The following HIVEP2 variants were observed in gnomAD, a reference collection of about 807,000 sequenced individuals.
The protein encoded by HIVEP2 is HIVEP zinc finger 2, also known as transcription factor HIVEP2.
Under a neutral mutation model 180.7 loss-of-function variants are expected in HIVEP2, and 14 were observed. That is an observed-to-expected ratio of 0.08 (90% confidence interval 0.05 to 0.12). The LOEUF is 0.12. HIVEP2 is among the 10% of genes least tolerant of loss of function. The pLI, the probability that HIVEP2 is intolerant of heterozygous loss-of-function variation, is 1.00. For synonymous variants in HIVEP2, 1,184 were observed against 1,136.4 expected (o/e 1.04, Z -0.84); for missense variants, 2,579 against 3,008.5 (o/e 0.86, Z 3.34).
intron 2 of HIVEP2, among the ~76,000 whole-genome samples, chr6:142,822,045 A>T (rs1277473176): frequency 6.6e-6 from 1 of 152,244 alleles, no homozygotes; most frequent in Non-Finnish European, 1.5e-5. Context: ...CCTTGGCACT[A>T]AGACCAGGGT....
At chr6:142,879,640 G>C (rs905163775) in intron 1 of HIVEP2, among the ~76,000 whole-genome samples, 2 of 151,752 alleles carry the variant, frequency 1.3e-5, no homozygotes, top group African/African-American at 4.8e-5. Flanking sequence ...CTCTCATGTT[G>C]ACTTTGGGTC....
rs1231013175 is a variant in HIVEP2, at chr6:142,862,749, A to AG, written c.-640-25703_-640-25702insC. The stretch of plus-strand genomic sequence containing the variant: ...TATATTATGTAATTATATATTATAC[A>AG]TTACATATATTATGTAATATATTAT... On this transcript the variant is annotated intron_variant, in intron 1 of 9. Transcript: ENST00000367603. 3.6e-5 allele frequency among the ~76,000 whole-genome samples: 5 copies of AG among 137,216 alleles called. No homozygotes were observed. The East Asian group carries it at 8.5e-4, about 23-fold the overall frequency. 90.0% of individuals were successfully genotyped at this position (137,216 alleles called of 152,430 possible).
intron 1 of HIVEP2, among the ~76,000 whole-genome samples, chr6:142,913,920 A>ACGTTTG (rs1309816284): frequency 1.1e-4 from 17 of 152,192 alleles, no homozygotes; most frequent in Admixed American, 2.6e-4. Context: ...AGCAAGTTGC[A>ACGTTTG]CGTTTGCACG....
intron 1 of HIVEP2, among the ~76,000 whole-genome samples, chr6:142,889,622 A>C (rs2128420436): frequency 6.6e-6 from 1 of 152,308 alleles, no homozygotes; most frequent in African/African-American, 2.4e-5. Context: ...TCTGAACCTT[A>C]GGTTCCCAAG....
chr6:142,929,543 G>A (rs1777893740), intron 1 of HIVEP2, among the ~76,000 whole-genome samples: 1 of 152,118 alleles, frequency 6.6e-6, no homozygotes, highest in South Asian at 2.1e-4. Context: ...AGAAATAACT[G>A]TGAGGATAAA....
rs1052009264 is a variant in HIVEP2, at chr6:142,827,113, A to T, written c.-528+9822T>A. ...AATTTCTCTCTTGTTATTCCTGTTA[A>T]ATTATAGGATGGTTTGATACAATTT... On this transcript the variant is annotated intron_variant, in intron 2 of 9. Coordinates refer to ENST00000367603, the MANE Select transcript of HIVEP2 (RefSeq NM_006734.4). Among the ~76,000 whole-genome samples, 4 of 152,304 alleles carry T rather than the reference A, an allele frequency of 2.6e-5. No homozygotes were observed. The East Asian group carries it at 7.7e-4, about 29-fold the overall frequency.
chr6:142,757,415 CT>C (rs1775104387), intron 9 of HIVEP2, among the ~76,000 whole-genome samples: 1 of 152,166 alleles, frequency 6.6e-6, no homozygotes, highest in African/African-American at 2.4e-5. Flanking sequence ...AATCCCAGCA[CT>C]TTGGGAGGCC....
intron 1 of HIVEP2, among the ~76,000 whole-genome samples, chr6:142,910,177 T>C (rs984208047): frequency 3.9e-5 from 6 of 152,234 alleles, no homozygotes; most frequent in African/African-American, 9.6e-5. Context: ...ATAAAATCAT[T>C]TCATGCATTA....
rs772259068 is a variant in HIVEP2 at position 142,771,845 on chromosome 6, C to T, written c.2894G>A (p.Arg965His). The change falls in exon 5 of 10, where the codon CGC (arginine) becomes CAC (histidine). Residue 965 changes from arginine (R) to histidine (H), a missense_variant. This residue lies in a region of HIVEP2 where 523 missense variants were observed against 577.0 expected (regional missense o/e 0.91). Coordinates refer to ENST00000367603, the MANE Select transcript of HIVEP2 (RefSeq NM_006734.4). This position sits in a 1 kb window ranked among gnomAD's most constrained non-coding sequence, Gnocchi z 5.4. ...CAAGTTGCTTTCTTGGCTGGGGCTG[C>T]GGGAGAGGCCTGTGCCTGTGGATTC... ...SFESTGTGLSRSPSQESNLSH... is the reference protein window; with the variant it reads ...SFESTGTGLSHSPSQESNLSH... The T allele has an allele frequency of 5.0e-6, 8 of 1,614,058 alleles. No homozygotes were observed. The highest frequency in any genetic ancestry group is 1.3e-5 in the African/African-American group (1 of 74,912).
chr6:142,804,806 ATG>A (rs34181657), intron 2 of HIVEP2, among the ~76,000 whole-genome samples: 7,477 of 152,166 alleles, frequency 0.049, 261 homozygotes, highest in Middle Eastern at 0.071. Context: ...CAGCCTAATA[ATG>A]TGCTTGAGAT....
intron 2 of HIVEP2, among the ~76,000 whole-genome samples, chr6:142,785,767 C>T (rs539885310): frequency 1.1e-3 from 160 of 152,248 alleles, no homozygotes; most frequent in African/African-American, 3.6e-3. Context: ...TACAGAAGAG[C>T]CCCCTTTTTA....
At chr6:142,795,141 TG>T (rs1433749784) in intron 2 of HIVEP2, among the ~76,000 whole-genome samples, 1 of 152,184 alleles carries the variant, frequency 6.6e-6, no homozygotes, top group Non-Finnish European at 1.5e-5. Flanking sequence ...ATTTGAAGAA[TG>T]CAATTTAAAC....
At chr6:142,782,790 G>T (rs1775889696) in intron 3 of HIVEP2, among the ~76,000 whole-genome samples, 2 of 152,198 alleles carry the variant, frequency 1.3e-5, no homozygotes, top group South Asian at 4.1e-4. Context: ...AGGCATCATT[G>T]CATATATTTG....
chr6:142,815,550 G>A (rs572356833), intron 2 of HIVEP2, among the ~76,000 whole-genome samples: 78 of 152,198 alleles, frequency 5.1e-4, no homozygotes, highest in Admixed American at 1.4e-3. Context: ...TAAAACAAAA[G>A]GTAAAGAACT....
At chr6:142,832,231 CA>C (rs149501300) in intron 2 of HIVEP2, among the ~76,000 whole-genome samples, 1,786 of 147,758 alleles carry the variant, frequency 0.012, 29 homozygotes, top group African/African-American at 0.038. Context: ...CAAAAACAAA[CA>C]AAAAAAACCT....
chr6:142,796,607 C>T (rs1776284617), intron 2 of HIVEP2, among the ~76,000 whole-genome samples: 1 of 152,118 alleles, frequency 6.6e-6, no homozygotes, highest in South Asian at 2.1e-4. Flanking sequence ...CAGCTGTAGA[C>T]CTCAAACTGC....
chr6:142,902,806 C>A lies in HIVEP2; in HGVS notation c.-641+42293G>T, dbSNP rs572010757. Among the ~76,000 whole-genome samples, 5 of 152,288 alleles carry A rather than the reference C, an allele frequency of 3.3e-5. No homozygotes were observed. In the South Asian group the frequency reaches 8.3e-4, roughly 25 times the overall value. ...CTCAGGAACTTCTGAGCACCCTAGC[C>A]AGATGCCCCTTACTGCTTGTGGACA... On this transcript the variant is annotated intron_variant, in intron 1 of 9. Transcript: ENST00000367603.
chr6:142,848,795 A>G (rs1021353234), intron 1 of HIVEP2, among the ~76,000 whole-genome samples: 5 of 152,116 alleles, frequency 3.3e-5, no homozygotes, highest in African/African-American at 1.2e-4. Context: ...ATAGCTGGAA[A>G]AGTCACCCAA....
intron 1 of HIVEP2, among the ~76,000 whole-genome samples, chr6:142,906,570 A>T (rs1777269124): frequency 6.6e-6 from 1 of 152,118 alleles, no homozygotes; most frequent in South Asian, 2.1e-4. Context: ...AATGAGGACC[A>T]TGTATGATAA....
Sources: gnomAD v4.1 joint callset for allele counts (sites outside exome capture counted in the v4.1 genomes callset) on GRCh38, gnomAD v4.1.1 for gene constraint, gnomAD v4.1.1 regional missense constraint, Gnocchi (gnomAD v3.1) non-coding constraint, MANE v1.5 for transcripts, NCBI Gene and HGNC (gene_info 2026-07-23, HGNC 2026-07-21) for gene names.